CROCC2: variants seen among roughly 807,000 people sequenced by gnomAD.
The protein encoded by CROCC2 is ciliary rootlet coiled-coil protein 2.
Under a neutral mutation model 177.6 loss-of-function variants are expected in CROCC2, and 163 were observed. That is an observed-to-expected ratio of 0.92 (90% CI 0.81 to 1.05). The LOEUF is 1.05. Ranked by LOEUF, CROCC2 falls within the 50% of genes least tolerant of loss-of-function variation. The pLI is 0.00. For missense variants in CROCC2, 1,929 were observed against 1,797.8 expected, an observed-to-expected ratio of 1.07 and a Z score of -1.32; for synonymous variants, 904 against 787.3, an observed-to-expected ratio of 1.15 and a Z score of -2.48.
intron 4 of CROCC2, among the ~76,000 whole-genome samples, chr2:240,925,343 C>T (rs1574752562): frequency 6.6e-6 from 1 of 152,148 alleles, no homozygotes; most frequent in South Asian, 2.1e-4. Context: ...ACGGGCATGT[C>T]TGACTCCCTC....
chr2:240,934,579 C>T (rs1239970213), intron 12 of CROCC2, 104 bp downstream of exon 12: 5 of 1,221,404 alleles, frequency 4.1e-6, no homozygotes, highest in Non-Finnish European at 5.7e-6. Context: ...CTGCCGGGCC[C>T]CTCAGCCCAT....
At chr2:240,932,277 G>C (rs1427963215) in intron 7 of CROCC2, 41 bp from the exon 8 acceptor site, 1 of 691,820 alleles carries the variant, frequency 1.4e-6, no homozygotes, top group Non-Finnish European at 2.7e-6. Context: ...CCCGTCCTCT[G>C]GGCCCTGCCC....
chr2:240,986,828 C>T (rs1052269055), intron 28 of CROCC2, among the ~76,000 whole-genome samples: 1 of 152,222 alleles, frequency 6.6e-6, no homozygotes, highest in Non-Finnish European at 1.5e-5. Flanking sequence ...CTCACAGCCC[C>T]CTTCTGGGAG....
intron 3 of CROCC2, among the ~76,000 whole-genome samples, chr2:240,921,667 G>A (rs2059357614): frequency 6.6e-6 from 1 of 152,334 alleles, no homozygotes; most frequent in African/African-American, 2.4e-5. Flanking sequence ...GCGGAACGGG[G>A]TCTGGGTGGC....
chr2:240,966,120 C>T (rs2059682242), intron 24 of CROCC2, 105 bp from the exon 25 acceptor site: 14 of 1,258,426 alleles, frequency 1.1e-5, no homozygotes, highest in Middle Eastern at 2.0e-4. Context: ...AACCTGTGGC[C>T]GTCTCCCCAA....
Position 240,922,616 on chromosome 2 carries a change from C to A in CROCC2, c.459C>A (p.Ala153=). The A allele has an allele frequency of 1.5e-6, 1 of 671,240 alleles. No individual in the cohort carries two copies. 41.6% of individuals were successfully genotyped at this position (671,240 alleles called of 1,614,324 possible). A position where few individuals can be genotyped will look rare whatever the true frequency, so the allele number is the denominator to read the frequency against. Residue 153 remains alanine, a synonymous_variant, in exon 4 of 32, where the codon GCC becomes GCA. Transcript: ENST00000690015. ...ELEHSVDLEE[A]LGRLEAAEER... is the part of the protein sequence containing the mutation. Reference sequence around the variant, plus strand: ...AGCACAGCGTGGATCTGGAGGAGGCCCTTGGCCGTCTGGAGGCTGCCGAGG... The same window carrying A: ...AGCACAGCGTGGATCTGGAGGAGGCACTTGGCCGTCTGGAGGCTGCCGAGG...
chr2:240,955,936 A>G lies in CROCC2; in HGVS notation c.2907A>G (p.Val969=). The G allele has an allele frequency of 6.5e-7, 1 of 1,534,838 alleles. No individual in the cohort carries two copies. The highest frequency in any genetic ancestry group is 8.7e-7 in the Non-Finnish European group (1 of 1,146,914). ...LSRARRTLER[V]QQEAQSQQEQ... ...GGGCCAGGAGGACGCTAGAGCGGGT[A>G]CAGCAGGAGGCACAGAGCCAGCAGG... The change falls in exon 19 of 32, where the codon GTA becomes GTG. Residue 969 remains valine (V), a synonymous_variant. Transcript: ENST00000690015.
rs1014978518 is a variant in CROCC2 at position 240,934,937 on chromosome 2, C to G, written c.1813C>G (p.Leu605Val). The G allele has an allele frequency of 1.3e-6, 2 of 1,521,742 alleles. No homozygotes were observed. The highest frequency in any genetic ancestry group is 1.8e-6 in the Non-Finnish European group (2 of 1,134,382). The allele number at this position is 1,521,742 out of a possible 1,614,324, so 94.3% of individuals were successfully genotyped here. A position where few individuals can be genotyped will look rare whatever the true frequency, so the allele number is the denominator to read the frequency against. Reference protein sequence around the residue: ...LARAECSNADLELLVRRLKSE... With the variant: ...LARAECSNADVELLVRRLKSE... ...CCAGGCCGAGTGCAGCAATGCGGAC[C>G]TGGAGCTTCTTGTGAGGCGGCTGAA... The change falls in exon 13 of 32, where the codon CTG becomes GTG. Residue 605 changes from leucine to valine, a missense_variant. By Grantham distance (32) the Leu-to-Val change is conservative (BLOSUM62 1). Transcript: ENST00000690015.
In CROCC2 at chr2:240,917,104, G is replaced by A. The variant is rs1167520001; in HGVS notation, c.79-1622G>A. 1.3e-5 allele frequency among the ~76,000 whole-genome samples: 2 copies of A among 152,152 alleles called. No homozygotes were observed. Among genetic ancestry groups the A allele is most frequent in the East Asian group, 3.9e-4 (2 of 5,170 alleles). On this transcript the variant is annotated intron_variant, in intron 1 of 31. Transcript: ENST00000690015. This position sits in a 1 kb window ranked among gnomAD's most constrained non-coding sequence, Gnocchi z 4.9. Reference sequence around the variant, plus strand: ...AACCTGCAGTGAAGGCGCCTCCCAAGACCTCCCAGGGGACTGAGAGACAGA... The same window carrying A: ...AACCTGCAGTGAAGGCGCCTCCCAAAACCTCCCAGGGGACTGAGAGACAGA...
At position 240,949,542 on chromosome 2, in the gene CROCC2, A is replaced by T. The variant is rs774302056; in HGVS notation, c.2492A>T (p.Glu831Val). ...ACCCATCACCCCACAGTGGAAATGGAGCAGCTACAAAGTGACTGGGAGGTC... is the reference window on the plus strand; with the variant it reads ...ACCCATCACCCCACAGTGGAAATGGTGCAGCTACAAAGTGACTGGGAGGTC... The part of the protein sequence containing the change: ...LARQALQVEM[E>V]QLQSDWEVQE... Residue 831 changes from glutamate (E) to valine (V), a missense_variant, in exon 17 of 32, where the codon GAG becomes GTG. By Grantham distance (121) the Glu-to-Val change is moderately radical. Coordinates refer to ENST00000690015, the MANE Select transcript of CROCC2 (RefSeq NM_001351305.2). This position sits in a 1 kb window ranked among gnomAD's most constrained non-coding sequence, Gnocchi z 4.5. The T allele has an allele frequency of 1.0e-5, 16 of 1,550,262 alleles. No homozygotes were observed. In the South Asian group the frequency reaches 1.9e-4, roughly 18 times the overall value.
chr2:240,982,815 G>GGTTTCCCTGCAGGGCCTCCCACCCCCAGT lies in CROCC2; in HGVS notation c.4402-62_4402-34dup. 6.9e-7 allele frequency: 1 copy of GGTTTCCCTGCAGGGCCTCCCACCCCCAGT among 1,441,562 alleles called. No individual in the cohort carries two copies. The highest frequency in any genetic ancestry group is 1.3e-5 in the South Asian group (1 of 75,228). 89.3% of individuals were successfully genotyped at this position (1,441,562 alleles called of 1,614,324 possible). ...GTCTAGGCAGATGCCCTGAGGCCAG[G>GGTTTCCCTGCAGGGCCTCCCACCCCCAGT]GTTTCCCTGCAGGGCCTCCCACCCC... is the stretch of plus-strand genomic sequence containing the variant. On this transcript the variant is annotated intron_variant, in intron 27 of 31. Transcript: ENST00000690015. The surrounding 1 kb of genome is among the most constrained non-coding windows in gnomAD (Gnocchi z 4.7).
Position 240,911,501 on chromosome 2 carries a change from G to A in CROCC2, c.78+4910G>A, listed in dbSNP as rs1047226010. On this transcript the variant is annotated intron_variant, in intron 1 of 31. Coordinates refer to ENST00000690015, the MANE Select transcript of CROCC2 (RefSeq NM_001351305.2). ...TCAGTGGAGACGAGGTTTCGCCACGGTAGCCAGGAGGGTCTCGAACTCCTG... is the reference window on the plus strand; with the variant it reads ...TCAGTGGAGACGAGGTTTCGCCACGATAGCCAGGAGGGTCTCGAACTCCTG... Among the ~76,000 whole-genome samples, 46 of 151,996 alleles carry A rather than the reference G, an allele frequency of 3.0e-4. 1 individual carries two copies. Among genetic ancestry groups the A allele is most frequent in the Non-Finnish European group, 4.9e-4 (33 of 68,004 alleles).
At chr2:240,966,085 A>G in intron 24 of CROCC2, 92 bp downstream of exon 24, 1 of 1,279,076 alleles carries the variant, frequency 7.8e-7, no homozygotes, top group Non-Finnish European at 9.9e-7. Flanking sequence ...TCACACAGTG[A>G]GGGACTCGGA....
chr2:240,949,563 A>C lies in CROCC2; in HGVS notation c.2513A>C (p.Glu838Ala), dbSNP rs1478075464. Residue 838 changes from glutamate to alanine, a missense_variant, in exon 17 of 32, where the codon GAG becomes GCG. By Grantham distance (107) the Glu-to-Ala change is moderately radical. Transcript: ENST00000690015. The surrounding 1 kb of genome is among the most constrained non-coding windows in gnomAD (Gnocchi z 4.5). ...VEMEQLQSDW[E>A]VQEMKLRQDT... ...ATGGAGCAGCTACAAAGTGACTGGG[A>C]GGTCCAGGAAATGAAGCTGCGGCAG... is the stretch of plus-strand genomic sequence containing the variant. 1 of 1,550,298 alleles carries C rather than the reference A, an allele frequency of 6.5e-7. No homozygotes were observed. The highest frequency in any genetic ancestry group is 2.0e-5 in the Admixed American group (1 of 50,970).
chr2:240,956,389 G>A (rs758878412), intron 19 of CROCC2: 6 of 185,012 alleles, frequency 3.2e-5, no homozygotes, highest in South Asian at 1.4e-4. Context: ...CCTTCCAAAG[G>A]AGAAACAACC....
At position 240,972,626 on chromosome 2, in the gene CROCC2, G is replaced by T. The variant is rs1559188020; in HGVS notation, c.4401+4364G>T. Among the ~76,000 whole-genome samples, 1 of 151,802 alleles carries T rather than the reference G, an allele frequency of 6.6e-6. No homozygotes were observed. On this transcript the variant is annotated intron_variant, in intron 27 of 31. Coordinates refer to ENST00000690015, the MANE Select transcript of CROCC2 (RefSeq NM_001351305.2). The surrounding 1 kb of genome is among the most constrained non-coding windows in gnomAD (Gnocchi z 7.1). Reference sequence around the variant, plus strand: ...TCTGACATTGACCAGACCTTTGTCTGTATGCATTTTTCTGCTTGGTCTAGA... The same window carrying T: ...TCTGACATTGACCAGACCTTTGTCTTTATGCATTTTTCTGCTTGGTCTAGA...
At chr2:240,967,305 C>G (rs2059690085) in intron 25 of CROCC2, 40 bp from the exon 26 acceptor site, 1 of 639,342 alleles carries the variant, frequency 1.6e-6, no homozygotes, top group Admixed American at 2.2e-5. Flanking sequence ...CTCCACCCGC[C>G]CATTGGACTG....
Position 240,933,298 on chromosome 2 carries a change from G to C in CROCC2, c.1419G>C (p.Arg473Ser), listed in dbSNP as rs1325242763. 13 of 1,543,406 alleles carry C rather than the reference G, an allele frequency of 8.4e-6. No individual in the cohort carries two copies. The South Asian group carries it at 1.1e-4, about 13-fold the overall frequency. ...EALRGQLEAQ[R>S]LEVQQCRASC... The stretch of plus-strand genomic sequence containing the variant: ...TTCGGGGCCAGCTGGAGGCCCAGAG[G>C]CTCGAGGTGCAGCAGTGCCGGGCAT... The change falls in exon 10 of 32, where the codon AGG becomes AGC. Residue 473 changes from arginine (R) to serine (S), a missense_variant. This residue lies in a region of CROCC2 where 1,397 missense variants were observed against 1,239.9 expected (regional missense o/e 1.13). Coordinates refer to ENST00000690015, the MANE Select transcript of CROCC2 (RefSeq NM_001351305.2).
chr2:240,975,886 C>G (rs1010526701), intron 27 of CROCC2, among the ~76,000 whole-genome samples: 1 of 151,962 alleles, frequency 6.6e-6, no homozygotes, highest in Non-Finnish European at 1.5e-5. Flanking sequence ...CCCGCCACCA[C>G]GCCCGGCTAA....
Sources: allele counts gnomAD v4.1 joint callset (sites outside exome capture counted in the v4.1 genomes callset), GRCh38; gene constraint gnomAD v4.1.1; regional missense constraint gnomAD v4.1.1; non-coding constraint Gnocchi (gnomAD v3.1); transcripts MANE v1.5; gene names NCBI Gene and HGNC (gene_info 2026-07-23, HGNC 2026-07-21).